The following COP1 variants were observed in gnomAD, a reference collection of about 807,000 sequenced individuals.
COP1 encodes COP1 E3 ubiquitin ligase, also known as E3 ubiquitin-protein ligase COP1.
COP1 carries 24 observed loss-of-function variants against 101.3 expected under a neutral mutation model. The observed-to-expected ratio is 0.24, with a 90% confidence interval of 0.17 to 0.33. The LOEUF is 0.33. Ranked by LOEUF, COP1 falls within the 10% of genes least tolerant of loss-of-function variation. The pLI, the probability that COP1 is intolerant of heterozygous loss-of-function variation, is 1.00. For missense variants in COP1, 663 were observed against 906.2 expected, an observed-to-expected ratio of 0.73 and a Z score of 3.45; for synonymous variants, 347 against 341.9, an observed-to-expected ratio of 1.01 and a Z score of -0.17.
chr1:176,024,954 GAAT>G (rs1667414961), intron 15 of COP1, among the ~76,000 whole-genome samples: 1 of 151,972 alleles, frequency 6.6e-6, no homozygotes, highest in African/African-American at 2.4e-5. Flanking sequence ...AAGATAAAAT[GAAT>G]AATAGGCTAA....
chr1:176,064,266 ATT>A (rs1675510410), intron 11 of COP1, among the ~76,000 whole-genome samples: 1 of 152,156 alleles, frequency 6.6e-6, no homozygotes, highest in Non-Finnish European at 1.5e-5. Flanking sequence ...TTGCCAAAAA[ATT>A]TGTCATATTT....
chr1:176,097,547 T>TA (rs1682624021), intron 9 of COP1, among the ~76,000 whole-genome samples: 1 of 151,900 alleles, frequency 6.6e-6, no homozygotes, highest in Admixed American at 6.6e-5. Context: ...GTGATGTCTA[T>TA]AAAAAAGCTC....
intron 8 of COP1, among the ~76,000 whole-genome samples, chr1:176,122,407 A>G (rs1373704492): frequency 2.0e-5 from 3 of 152,156 alleles, no homozygotes; most frequent in Non-Finnish European, 4.4e-5. Context: ...GAATATGACT[A>G]TACTCTGACC....
chr1:176,102,591 C>T (rs1199950559), intron 9 of COP1, among the ~76,000 whole-genome samples: 1 of 152,184 alleles, frequency 6.6e-6, no homozygotes, highest in African/African-American at 2.4e-5. Flanking sequence ...TACTTTACAG[C>T]TTAAAAAACA....
chr1:176,017,985 T>C (rs1356504493), intron 15 of COP1, among the ~76,000 whole-genome samples: 5 of 152,192 alleles, frequency 3.3e-5, no homozygotes, highest in Admixed American at 6.6e-5. Context: ...TGGAATACTT[T>C]AGAAGTATTT....
At chr1:176,003,806 T>C (rs1388935602) in intron 15 of COP1, among the ~76,000 whole-genome samples, 1 of 151,490 alleles carries the variant, frequency 6.6e-6, no homozygotes, top group African/African-American at 2.4e-5. Context: ...CTTTGTTCTT[T>C]TGGCTTAGGA....
At chr1:176,185,560 T>C (rs958290984) in intron 1 of COP1, among the ~76,000 whole-genome samples, 3 of 152,208 alleles carry the variant, frequency 2.0e-5, no homozygotes, top group African/African-American at 7.2e-5. Flanking sequence ...GGGGCCACCA[T>C]CTATGAGAAC....
intron 18 of COP1, among the ~76,000 whole-genome samples, chr1:175,971,161 G>A (rs1353448372): frequency 6.6e-6 from 1 of 152,198 alleles, no homozygotes; most frequent in Admixed American, 6.5e-5. Context: ...GACTTAGAAA[G>A]ACTGATAAAG....
In COP1 at chr1:176,056,070, G is replaced by A. The variant is rs1039682568; in HGVS notation, c.1278-9746C>T. 2.3e-4 allele frequency among the ~76,000 whole-genome samples: 35 copies of A among 151,946 alleles called. 1 individual carries two copies. Among genetic ancestry groups the A allele is most frequent in the African/African-American group, 6.8e-4 (28 of 41,382 alleles). On this transcript the variant is annotated intron_variant, in intron 11 of 19. Transcript: ENST00000367669. ...GTTTGATTTCCATTTTGATCCCAGC[G>A]TTGCCAAAAAAGCTATTAAATTTCC...
rs10694480 is a variant in COP1, at chr1:175,976,270, C to CTTTTTTTTTTTTTTTTTTT, written c.2133+10654_2133+10672dup. ...TAAGTCTCTATATCAATTAGTCATTCTTTTTTTTTTTTTTTTTTTTTTTTT... is the reference window on the plus strand; with the variant it reads ...TAAGTCTCTATATCAATTAGTCATTCTTTTTTTTTTTTTTTTTTTTTTTTTTTTTTTTTTTTTTTTTTTT... On this transcript the variant is annotated intron_variant, in intron 18 of 19. Transcript: ENST00000367669. Among the ~76,000 whole-genome samples, 12 of 56,834 alleles carry CTTTTTTTTTTTTTTTTTTT rather than the reference C, an allele frequency of 2.1e-4. 4 individuals carry two copies. The highest frequency in any genetic ancestry group is 5.9e-4 in the African/African-American group (8 of 13,492). 37.3% of individuals were successfully genotyped at this position (56,834 alleles called of 152,430 possible).
chr1:176,175,779 G>A (rs1696850205), intron 3 of COP1, 131 bp downstream of exon 3: 2 of 457,344 alleles, frequency 4.4e-6, no homozygotes, highest in South Asian at 5.3e-5. Context: ...CCCAAGAAGA[G>A]GAAAGCACTG....
At chr1:176,147,367 T>C (rs969283710) in intron 6 of COP1, among the ~76,000 whole-genome samples, 2 of 151,896 alleles carry the variant, frequency 1.3e-5, no homozygotes, top group Non-Finnish European at 2.9e-5. Context: ...ATCAAAGTAG[T>C]AGATAAACGT....
At chr1:176,138,628 A>C (rs1022815465) in intron 6 of COP1, among the ~76,000 whole-genome samples, 1 of 152,166 alleles carries the variant, frequency 6.6e-6, no homozygotes, top group African/African-American at 2.4e-5. Context: ...AGGACTTATT[A>C]ATAGATAGGA....
At chr1:175,956,284 T>G (rs1650638405) in intron 18 of COP1, among the ~76,000 whole-genome samples, 1 of 152,084 alleles carries the variant, frequency 6.6e-6, no homozygotes, top group African/African-American at 2.4e-5. Context: ...ACTGCAGGTA[T>G]GTGAAACAAC....
chr1:176,052,265 C>A (rs1672701456), intron 11 of COP1, among the ~76,000 whole-genome samples: 1 of 152,194 alleles, frequency 6.6e-6, no homozygotes, highest in Non-Finnish European at 1.5e-5. Flanking sequence ...AGAGGCTATA[C>A]TATATCACCT....
chr1:176,207,037 C>T lies in COP1; in HGVS notation c.-59G>A. The T allele has an allele frequency of 7.7e-7, 1 of 1,298,818 alleles. No homozygotes were observed. The highest frequency in any genetic ancestry group is 9.9e-7 in the Non-Finnish European group (1 of 1,014,010). The allele number at this position is 1,298,818 out of a possible 1,614,324, so 80.5% of individuals were successfully genotyped here. On this transcript the variant is annotated 5_prime_UTR_variant, in exon 1 of 20. Transcript: ENST00000367669. ...GGAGAGGGACCGCGACCTCGACCCT[C>T]CGCCGCCTCCCCTCCCCTCAGCCTC...
intron 15 of COP1, among the ~76,000 whole-genome samples, chr1:175,999,602 T>C (rs1346306638): frequency 6.6e-6 from 1 of 152,060 alleles, no homozygotes; most frequent in Non-Finnish European, 1.5e-5. Flanking sequence ...CATATAGAAG[T>C]TGCCTTTCTG....
chr1:176,136,527 C>T lies in COP1; in HGVS notation c.852G>A (p.Lys284=). The change falls in exon 7 of 20, where the codon AAG becomes AAA. Residue 284 remains lysine, a synonymous_variant. Transcript: ENST00000367669. The part of the protein sequence containing the change: ...NKREQLEQIQ[K]ELSVLEEDIK... ...TATCCTCTTCCAAAACACTTAGCTC[C>T]TTCTGGATCTGTTCCAGTTGCTGCA... 1 of 1,605,848 alleles carries T rather than the reference C, an allele frequency of 6.2e-7. No individual in the cohort carries two copies.
At chr1:176,011,964 T>C (rs958090940) in intron 15 of COP1, among the ~76,000 whole-genome samples, 2 of 152,212 alleles carry the variant, frequency 1.3e-5, no homozygotes, top group African/African-American at 4.8e-5. Context: ...ATGTATTTAC[T>C]GTACTTTTTA....
Sources: allele counts gnomAD v4.1 joint callset (sites outside exome capture counted in the v4.1 genomes callset), GRCh38; gene constraint gnomAD v4.1.1; transcripts MANE v1.5; gene names NCBI Gene and HGNC (gene_info 2026-07-23, HGNC 2026-07-21).